GNPTAB: variants seen among roughly 807,000 people sequenced by gnomAD.
GNPTAB encodes the protein N-acetylglucosamine-1-phosphate transferase subunits alpha and beta.
Under a neutral mutation model 136.6 loss-of-function variants are expected in GNPTAB, and 92 were observed. The ratio of observed to expected loss-of-function variants is 0.67; its 90% confidence interval spans 0.57 to 0.80. The LOEUF is 0.80. Among genes scored for constraint, GNPTAB ranks in the 30% least tolerant of loss-of-function variants. The probability of loss-of-function intolerance (pLI) is 0.00; values close to 1 mark genes in which losing one functional copy is unlikely to be tolerated. For synonymous variants in GNPTAB, 512 were observed against 535.1 expected (o/e 0.96, Z 0.60); for missense variants, 1,343 against 1,501.8 (o/e 0.89, Z 1.75).
intron 16 of GNPTAB, among the ~76,000 whole-genome samples, chr12:101,759,500 T>C (rs1952959973): frequency 6.6e-6 from 1 of 152,020 alleles, no homozygotes; most frequent in South Asian, 2.1e-4. Context: ...ATTATATTCA[T>C]TTCATCAATT....
intron 1 of GNPTAB, among the ~76,000 whole-genome samples, chr12:101,808,955 ACTT>A (rs1282294478): frequency 6.6e-6 from 1 of 152,220 alleles, no homozygotes; most frequent in African/African-American, 2.4e-5. Context: ...TCTCAAAAAA[ACTT>A]CTGCTCTGCT....
intron 5 of GNPTAB, among the ~76,000 whole-genome samples, chr12:101,783,350 C>T (rs920487470): frequency 6.6e-6 from 1 of 152,156 alleles, no homozygotes; most frequent in Non-Finnish European, 1.5e-5. Flanking sequence ...GGGACACTGA[C>T]AAGTCCCTGA....
chr12:101,830,679 C>A lies in GNPTAB; in HGVS notation c.-4G>T. The A allele has an allele frequency of 6.5e-7, 1 of 1,530,626 alleles. No individual in the cohort carries two copies. Among genetic ancestry groups the A allele is most frequent in the East Asian group, 2.3e-5 (1 of 44,042 alleles). The allele number at this position is 1,530,626 out of a possible 1,614,324, so 94.8% of individuals were successfully genotyped here. A position where few individuals can be genotyped will look rare whatever the true frequency, so the allele number is the denominator to read the frequency against. On this transcript the variant is annotated 5_prime_UTR_variant, in exon 1 of 21. Transcript: ENST00000299314. ...TCTGCAGGAGCTTGAACAGCATCAC[C>A]CCTTCACCGCCACGCCACGCCCCGA...
intron 2 of GNPTAB, 87 bp downstream of exon 2, chr12:101,796,590 C>A (rs1338370912): frequency 1.2e-6 from 1 of 857,166 alleles, no homozygotes; most frequent in African/African-American, 1.7e-5. Context: ...CTCAGAAAGA[C>A]CCCTTAAACT....
intron 1 of GNPTAB, among the ~76,000 whole-genome samples, chr12:101,814,946 A>C (rs1870439140): frequency 6.6e-6 from 1 of 152,236 alleles, no homozygotes; most frequent in Non-Finnish European, 1.5e-5. Flanking sequence ...AGTAAAAGGC[A>C]AATAATGTCC....
At chr12:101,796,236 G>T (rs754999013) in intron 2 of GNPTAB, 3 of 702,270 alleles carry the variant, frequency 4.3e-6, no homozygotes, top group Non-Finnish European at 7.8e-6. Flanking sequence ...TCCTACAGGG[G>T]GATGAAATTC....
chr12:101,810,966 G>A (rs1175494533), intron 1 of GNPTAB, among the ~76,000 whole-genome samples: 1 of 152,120 alleles, frequency 6.6e-6, no homozygotes, highest in East Asian at 1.9e-4. Flanking sequence ...CAAAAAGACG[G>A]TGACTGCAGC....
At chr12:101,792,311 G>A (rs980411782) in intron 2 of GNPTAB, among the ~76,000 whole-genome samples, 5 of 152,252 alleles carry the variant, frequency 3.3e-5, no homozygotes, top group Admixed American at 2.0e-4. Flanking sequence ...AGGGGAGAGA[G>A]GAAATGGAAG....
chr12:101,796,383 T>C (rs979024186), intron 2 of GNPTAB: 6 of 669,206 alleles, frequency 9.0e-6, no homozygotes, highest in Non-Finnish European at 1.6e-5. Context: ...TTTCTTCAGA[T>C]GGACATATTT....
intron 1 of GNPTAB, among the ~76,000 whole-genome samples, chr12:101,802,495 G>A (rs143650552): frequency 6.6e-6 from 1 of 151,986 alleles, no homozygotes; most frequent in Non-Finnish European, 1.5e-5. Flanking sequence ...GATGGTCAAG[G>A]CTCACTGCCA....
chr12:101,759,142 T>C (rs1267067154), intron 16 of GNPTAB, among the ~76,000 whole-genome samples: 3 of 152,132 alleles, frequency 2.0e-5, no homozygotes, highest in Non-Finnish European at 4.4e-5. Context: ...GGCAGGCGTA[T>C]CACAAGGTCA....
rs535072411 is a variant in GNPTAB, at chr12:101,784,824, G to C, written c.571+1188C>G. Among the ~76,000 whole-genome samples, 3 of 152,300 alleles carry C rather than the reference G, an allele frequency of 2.0e-5. No homozygotes were observed. The South Asian group carries it at 6.2e-4, about 32-fold the overall frequency. ...AGCTAGAGAACTAGACTTGGTGTTGGAAAGGGAACACGGCAGCTTTCATTT... is the reference window on the plus strand; with the variant it reads ...AGCTAGAGAACTAGACTTGGTGTTGCAAAGGGAACACGGCAGCTTTCATTT... On this transcript the variant is annotated intron_variant, in intron 5 of 20. Transcript: ENST00000299314.
chr12:101,769,777 T>C (rs892059627), intron 10 of GNPTAB, among the ~76,000 whole-genome samples: 1 of 151,530 alleles, frequency 6.6e-6, no homozygotes, highest in Admixed American at 6.6e-5. Context: ...ACATGAGTAT[T>C]CCACCGGGCC....
At chr12:101,810,490 ATTCT>A (rs1225478927) in intron 1 of GNPTAB, 1 of 148,638 alleles carries the variant, frequency 6.7e-6, no homozygotes, top group Non-Finnish European at 1.5e-5. Flanking sequence ...CTAAATCCAC[ATTCT>A]TTCTTTTAAG....
intron 7 of GNPTAB, chr12:101,773,393 C>T (rs1447489752): frequency 2.4e-5 from 7 of 285,848 alleles, no homozygotes; most frequent in South Asian, 3.8e-5. Flanking sequence ...CACGAAGTCC[C>T]GAAGCTCGTT....
intron 1 of GNPTAB, among the ~76,000 whole-genome samples, chr12:101,802,394 T>C (rs375339597): frequency 3.9e-5 from 6 of 152,188 alleles, no homozygotes; most frequent in East Asian, 1.9e-4. Context: ...GCTGATTAAT[T>C]GGACATAGTA....
At chr12:101,829,897 C>G (rs1254443568) in intron 1 of GNPTAB, among the ~76,000 whole-genome samples, 1 of 150,720 alleles carries the variant, frequency 6.6e-6, no homozygotes, top group Non-Finnish European at 1.5e-5. Context: ...AGCACCTTCT[C>G]TTACGGAGCT....
intron 2 of GNPTAB, among the ~76,000 whole-genome samples, chr12:101,794,819 C>T (rs1209533559): frequency 2.0e-5 from 3 of 152,082 alleles, no homozygotes; most frequent in African/African-American, 4.8e-5. Flanking sequence ...TTAATCTCAG[C>T]ACTTTGGGAG....
At chr12:101,826,127 G>A (rs1871073657) in intron 1 of GNPTAB, among the ~76,000 whole-genome samples, 1 of 152,188 alleles carries the variant, frequency 6.6e-6, no homozygotes, top group Non-Finnish European at 1.5e-5. Context: ...CATAACTTGA[G>A]CTAGACCCAG....
Sources: gnomAD v4.1 joint callset for allele counts (sites outside exome capture counted in the v4.1 genomes callset) on GRCh38, gnomAD v4.1.1 for gene constraint, MANE v1.5 for transcripts, NCBI Gene and HGNC (gene_info 2026-07-23, HGNC 2026-07-21) for gene names.